The following FRAS1 variants were observed in gnomAD, a reference collection of about 807,000 sequenced individuals.
FRAS1 encodes Fraser extracellular matrix complex subunit 1.
A neutral mutation model predicts 435.2 loss-of-function variants in FRAS1; 290 were observed. The ratio of observed to expected loss-of-function variants is 0.67; its 90% confidence interval spans 0.61 to 0.73. FRAS1 has a LOEUF of 0.73. Among genes scored for constraint, FRAS1 ranks in the 30% least tolerant of loss-of-function variants. The pLI, the probability that FRAS1 is intolerant of heterozygous loss-of-function variation, is 0.00. For synonymous variants in FRAS1, 1,800 were observed against 1,851.0 expected (o/e 0.97, Z 0.71); for missense variants, 4,860 against 5,001.5 (o/e 0.97, Z 0.85).
intron 20 of FRAS1, among the ~76,000 whole-genome samples, chr4:78,362,723 G>C (rs2110295037): frequency 6.6e-6 from 1 of 152,288 alleles, no homozygotes; most frequent in South Asian, 2.1e-4. Flanking sequence ...TGAAAGTGGA[G>C]AATTTTGTTG....
intron 2 of FRAS1, among the ~76,000 whole-genome samples, chr4:78,157,897 C>T (rs1578158076): frequency 6.6e-6 from 1 of 152,052 alleles, no homozygotes; most frequent in Non-Finnish European, 1.5e-5. Context: ...TATGGATGGC[C>T]AGTTATCCCA....
intron 2 of FRAS1, among the ~76,000 whole-genome samples, chr4:78,112,365 A>T (rs1742782624): frequency 6.6e-6 from 1 of 152,142 alleles, no homozygotes; most frequent in Non-Finnish European, 1.5e-5. Flanking sequence ...AACCTCTGCA[A>T]TCTGTAGATC....
intron 53 of FRAS1, among the ~76,000 whole-genome samples, chr4:78,474,225 C>T (rs1719797229): frequency 6.6e-6 from 1 of 152,150 alleles, no homozygotes; most frequent in Non-Finnish European, 1.5e-5. Context: ...CTTTTCTAAT[C>T]TGTTGGAGAG....
chr4:78,425,787 T>A (rs1247027872), intron 35 of FRAS1, among the ~76,000 whole-genome samples: 1 of 152,184 alleles, frequency 6.6e-6, no homozygotes, highest in African/African-American at 2.4e-5. Context: ...TAACAATATT[T>A]TAAGGATGGA....
intron 2 of FRAS1, among the ~76,000 whole-genome samples, chr4:78,094,280 T>C (rs1741684225): frequency 6.6e-6 from 1 of 151,992 alleles, no homozygotes; most frequent in South Asian, 2.1e-4. Context: ...TTCAAAAAAA[T>C]GAAAATGTTG....
intron 2 of FRAS1, among the ~76,000 whole-genome samples, chr4:78,148,256 T>C (rs932882441): frequency 6.6e-6 from 1 of 152,132 alleles, no homozygotes; most frequent in Non-Finnish European, 1.5e-5. Context: ...GACCATCTGA[T>C]TAAAATTTTA....
intron 50 of FRAS1, among the ~76,000 whole-genome samples, 169 bp downstream of exon 50, chr4:78,466,604 G>A (rs1353476256): frequency 6.6e-6 from 1 of 152,200 alleles, no homozygotes; most frequent in Non-Finnish European, 1.5e-5. Flanking sequence ...CTGTAAAATG[G>A]ACAGTAATTA....
intron 2 of FRAS1, among the ~76,000 whole-genome samples, chr4:78,236,991 C>A (rs959953130): frequency 1.3e-5 from 2 of 152,108 alleles, no homozygotes; most frequent in African/African-American, 2.4e-5. Flanking sequence ...GTTGGTGCAT[C>A]TGTCTTTAAA....
At chr4:78,364,125 C>T (rs767963580) in intron 22 of FRAS1, 71 bp downstream of exon 22, 43 of 1,483,462 alleles carry the variant, frequency 2.9e-5, no homozygotes, top group East Asian at 2.5e-4. Context: ...GAAAGAAATG[C>T]GAGGTTCTTA....
intron 59 of FRAS1, among the ~76,000 whole-genome samples, chr4:78,489,486 G>A (rs575304473): frequency 1.8e-4 from 28 of 152,248 alleles, no homozygotes; most frequent in Non-Finnish European, 2.4e-4. Flanking sequence ...AAGAGAAGGA[G>A]GGAGAGGAGG....
chr4:78,150,349 T>G (rs1403809248), intron 2 of FRAS1, among the ~76,000 whole-genome samples: 1 of 152,224 alleles, frequency 6.6e-6, no homozygotes, highest in Non-Finnish European at 1.5e-5. Flanking sequence ...ATAAAGGAGA[T>G]AAAAGTGGAG....
intron 2 of FRAS1, among the ~76,000 whole-genome samples, chr4:78,135,971 C>G (rs150841443): frequency 6.6e-6 from 1 of 152,162 alleles, no homozygotes; most frequent in East Asian, 1.9e-4. Context: ...ATCAGCTGAT[C>G]GATACCTAAC....
Position 78,286,419 on chromosome 4 carries a change from T to C in FRAS1, c.1414T>C (p.Cys472Arg). The C allele has an allele frequency of 6.2e-7, 1 of 1,613,606 alleles. No individual in the cohort carries two copies. The highest frequency in any genetic ancestry group is 8.5e-7 in the Non-Finnish European group (1 of 1,179,890). ...GSLCLACQPQCSTCTSGLECS... is the reference protein window; with the variant it reads ...GSLCLACQPQRSTCTSGLECS... ...TCTGGAGTCAGCCTGCCAGCCCCAG[T>C]GCTCCACGTGTACCAGTGGGCTGGA... is the stretch of plus-strand genomic sequence containing the variant. The change falls in exon 14 of 74, where the codon TGC becomes CGC. Residue 472 changes from cysteine to arginine, a missense_variant. Physicochemically the swap from Cys to Arg is radical, Grantham distance 180 (BLOSUM62 -3). Coordinates refer to ENST00000512123, the MANE Select transcript of FRAS1 (RefSeq NM_025074.7).
At chr4:78,234,049 G>T (rs979923184) in intron 2 of FRAS1, among the ~76,000 whole-genome samples, 1 of 152,196 alleles carries the variant, frequency 6.6e-6, no homozygotes, top group African/African-American at 2.4e-5. Flanking sequence ...CCTGCTCCCA[G>T]AGTGGGGAGC....
chr4:78,304,553 G>A (rs543263164), intron 14 of FRAS1, among the ~76,000 whole-genome samples: 2 of 152,014 alleles, frequency 1.3e-5, no homozygotes, highest in South Asian at 4.2e-4. Flanking sequence ...TCCTGTTATT[G>A]GTCTATTCAG....
chr4:78,163,678 C>T (rs1223844619), intron 2 of FRAS1, among the ~76,000 whole-genome samples: 10 of 152,176 alleles, frequency 6.6e-5, no homozygotes, highest in Admixed American at 6.5e-4. Flanking sequence ...TGGGGCTGAT[C>T]TATAGTGCTG....
chr4:78,267,622 A>C (rs988913263), intron 9 of FRAS1, among the ~76,000 whole-genome samples, 190 bp downstream of exon 9: 2 of 152,264 alleles, frequency 1.3e-5, no homozygotes, highest in Admixed American at 1.3e-4. Context: ...AGACTAGCTC[A>C]GAACAGCCCC....
chr4:78,318,565 T>A (rs1290133952), intron 17 of FRAS1, among the ~76,000 whole-genome samples: 1 of 152,158 alleles, frequency 6.6e-6, no homozygotes, highest in Non-Finnish European at 1.5e-5. Context: ...TTTGTTTGTT[T>A]GTTGTTGTTG....
rs552676865 is a variant in FRAS1 at position 78,513,419 on chromosome 4, C to G, written c.10041C>G (p.His3347Gln). 120 of 1,613,922 alleles carry G rather than the reference C, an allele frequency of 7.4e-5. No homozygotes were observed. The East Asian group carries it at 2.3e-3, about 31-fold the overall frequency. The change falls in exon 65 of 74, where the codon CAC becomes CAG. Residue 3347 changes from histidine to glutamine, a missense_variant. By Grantham distance (24) the His-to-Gln change is conservative. Transcript: ENST00000512123. Reference sequence around the variant, plus strand: ...TCCACATTTCGGTGCAGATCCCACACCAGGATGGAATGCTGCCCCTTATCT... The same window carrying G: ...TCCACATTTCGGTGCAGATCCCACAGCAGGATGGAATGCTGCCCCTTATCT... The part of the protein sequence containing the change: ...NRIHISVQIP[H>Q]QDGMLPLIST...
Sources: gnomAD v4.1 joint callset for allele counts (sites outside exome capture counted in the v4.1 genomes callset) on GRCh38, gnomAD v4.1.1 for gene constraint, MANE v1.5 for transcripts, NCBI Gene and HGNC (gene_info 2026-07-23, HGNC 2026-07-21) for gene names.